The following SORCS1 variants were observed in gnomAD, a reference collection of about 807,000 sequenced individuals.
SORCS1 encodes sortilin related VPS10 domain containing receptor 1, also known as VPS10 domain-containing receptor SorCS1.
In SORCS1, 60 loss-of-function variants were observed where a neutral mutation model predicts 146.1. That is an observed-to-expected ratio of 0.41 (90% confidence interval 0.33 to 0.51). The LOEUF (loss-of-function observed/expected upper bound fraction) is 0.51, where lower values mean the gene tolerates loss of function less well. Among genes scored for constraint, SORCS1 ranks in the 20% least tolerant of loss-of-function variants. The pLI, the probability that SORCS1 is intolerant of heterozygous loss-of-function variation, is 0.21. For missense variants in SORCS1, 1,352 were observed against 1,487.6 expected (o/e 0.91, Z 1.50); for synonymous variants, 637 against 584.0 (o/e 1.09, Z -1.31).
intron 18 of SORCS1, among the ~76,000 whole-genome samples, chr10:106,648,218 A>G (rs1475860755): frequency 1.3e-5 from 2 of 151,218 alleles, no homozygotes; most frequent in Non-Finnish European, 2.9e-5. Context: ...TTTCTCTTTT[A>G]CTTGTCTTAC....
intron 1 of SORCS1, among the ~76,000 whole-genome samples, chr10:107,028,928 G>A (rs1958523895): frequency 6.6e-6 from 1 of 152,172 alleles, no homozygotes; most frequent in African/African-American, 2.4e-5. Flanking sequence ...AAATGAATCA[G>A]TTGGACTAGA....
intron 1 of SORCS1, among the ~76,000 whole-genome samples, chr10:107,056,983 G>A (rs894866623): frequency 2.6e-5 from 4 of 152,294 alleles, no homozygotes; most frequent in South Asian, 4.1e-4. Flanking sequence ...CCGTGTGCAC[G>A]GAGACTTTCC....
intron 5 of SORCS1, among the ~76,000 whole-genome samples, chr10:106,739,995 C>T (rs1370689272): frequency 2.0e-5 from 3 of 151,426 alleles, no homozygotes; most frequent in African/African-American, 7.3e-5. Flanking sequence ...CATTTTGCTG[C>T]TGGAGATAAC....
intron 1 of SORCS1, among the ~76,000 whole-genome samples, chr10:107,011,898 T>A (rs528968019): frequency 8.3e-4 from 127 of 152,350 alleles, no homozygotes; most frequent in Non-Finnish European, 2.5e-4. Flanking sequence ...TCTATTTAAA[T>A]ATTGATATAT....
intron 1 of SORCS1, among the ~76,000 whole-genome samples, chr10:107,034,355 A>C (rs1353128846): frequency 2.6e-5 from 4 of 151,830 alleles, no homozygotes; most frequent in African/African-American, 4.8e-5. Flanking sequence ...TGCGCTTTCC[A>C]CCTTTCTTTC....
At chr10:106,945,720 C>G (rs1261366761) in intron 2 of SORCS1, among the ~76,000 whole-genome samples, 2 of 152,172 alleles carry the variant, frequency 1.3e-5, no homozygotes, top group Non-Finnish European at 2.9e-5. Context: ...GACCTCAGGA[C>G]AGTGTTTGCT....
At chr10:107,041,670 G>C (rs1346529672) in intron 1 of SORCS1, among the ~76,000 whole-genome samples, 2 of 151,846 alleles carry the variant, frequency 1.3e-5, no homozygotes, top group African/African-American at 4.8e-5. Context: ...ATTTTATATA[G>C]AGGCCCAGTA....
intron 2 of SORCS1, among the ~76,000 whole-genome samples, chr10:106,907,419 T>C (rs772233293): frequency 3.9e-5 from 6 of 152,072 alleles, no homozygotes; most frequent in Non-Finnish European, 7.3e-5. Flanking sequence ...AACTAACTAC[T>C]TGTGTCCATA....
intron 5 of SORCS1, among the ~76,000 whole-genome samples, chr10:106,752,485 A>G (rs1022360122): frequency 6.6e-6 from 1 of 152,236 alleles, no homozygotes; most frequent in Non-Finnish European, 1.5e-5. Context: ...TGACAGATCC[A>G]TAGACTTACT....
chr10:106,974,709 G>C (rs917464390), intron 1 of SORCS1, among the ~76,000 whole-genome samples: 1 of 152,162 alleles, frequency 6.6e-6, no homozygotes, highest in Non-Finnish European at 1.5e-5. Flanking sequence ...CAGAACTACA[G>C]TAGGAGAAAC....
intron 2 of SORCS1, among the ~76,000 whole-genome samples, chr10:106,941,557 G>A (rs374649271): frequency 2.0e-5 from 3 of 152,194 alleles, no homozygotes; most frequent in Non-Finnish European, 4.4e-5. Context: ...GTAGTTCACC[G>A]TGGCTAGAAC....
chr10:106,878,238 C>A (rs1311480331), intron 2 of SORCS1, among the ~76,000 whole-genome samples: 10 of 150,794 alleles, frequency 6.6e-5, no homozygotes. Context: ...TGGGGTACCA[C>A]TGTCTTCTGG....
chr10:107,120,655 A>G (rs559730100), intron 1 of SORCS1, among the ~76,000 whole-genome samples: 1 of 152,324 alleles, frequency 6.6e-6, no homozygotes, highest in African/African-American at 2.4e-5. Flanking sequence ...TTATTCCTCT[A>G]AGGGAGGACT....
upstream of SORCS1, among the ~76,000 whole-genome samples, chr10:107,165,669 A>T (rs1401905947): frequency 6.6e-6 from 1 of 152,210 alleles, no homozygotes; most frequent in Admixed American, 6.5e-5. The surrounding 1 kb of genome is among the most constrained non-coding windows in gnomAD (Gnocchi z 4.0). Flanking sequence ...TAACAAATAA[A>T]TACAGGAAAG....
chr10:106,906,983 C>T (rs754449813), intron 2 of SORCS1, among the ~76,000 whole-genome samples: 2 of 152,180 alleles, frequency 1.3e-5, no homozygotes, highest in Non-Finnish European at 1.5e-5. Flanking sequence ...TGCTATTTCA[C>T]TGTGCTTTTT....
chr10:106,642,574 G>C (rs1183279917), intron 18 of SORCS1, among the ~76,000 whole-genome samples: 3 of 152,230 alleles, frequency 2.0e-5, no homozygotes, highest in Admixed American at 6.5e-5. Context: ...TGTATTGCTA[G>C]TAGGGGCACA....
Position 106,997,618 on chromosome 10 carries a change from A to G in SORCS1, c.559-41038T>C, listed in dbSNP as rs545525967. Among the ~76,000 whole-genome samples, 3 of 151,994 alleles carry G rather than the reference A, an allele frequency of 2.0e-5. No individual in the cohort carries two copies. In the East Asian group the frequency reaches 5.8e-4, roughly 29 times the overall value. ...AGACAGAGTTTCCTTTACTTAGGAA[A>G]CCTTTCAAAGTAGCATCAGAAATGA... On this transcript the variant is annotated intron_variant, in intron 1 of 25. Transcript: ENST00000263054.
intron 1 of SORCS1, among the ~76,000 whole-genome samples, chr10:107,071,768 A>C (rs1308947218): frequency 2.0e-5 from 3 of 152,212 alleles, no homozygotes; most frequent in Non-Finnish European, 2.9e-5. Flanking sequence ...TCACTTACTT[A>C]AACAGAGAGA....
intron 1 of SORCS1, among the ~76,000 whole-genome samples, chr10:106,977,272 C>T (rs145178496): frequency 6.6e-6 from 1 of 152,188 alleles, no homozygotes; most frequent in Non-Finnish European, 1.5e-5. Flanking sequence ...TTTGGATTTG[C>T]ATTTCTCTAA....
Sources: allele counts gnomAD v4.1 joint callset (sites outside exome capture counted in the v4.1 genomes callset), GRCh38; gene constraint gnomAD v4.1.1; non-coding constraint Gnocchi (gnomAD v3.1); transcripts MANE v1.5; gene names NCBI Gene and HGNC (gene_info 2026-07-23, HGNC 2026-07-21).